Variants in DLEC1 observed in about 807,000 individuals in gnomAD.
DLEC1 encodes the protein DLEC1 cilia and flagella associated protein, also known as deleted in lung and esophageal cancer protein 1.
Under a neutral mutation model 198.1 loss-of-function variants are expected in DLEC1, and 146 were observed. The ratio of observed to expected loss-of-function variants is 0.74; its 90% CI spans 0.64 to 0.85. The LOEUF (loss-of-function observed/expected upper bound fraction) is 0.85. Ranked by LOEUF, DLEC1 falls within the 40% of genes least tolerant of loss-of-function variation. DLEC1 has a pLI of 0.00. For synonymous variants in DLEC1, 897 were observed against 866.8 expected, an observed-to-expected ratio of 1.03 and a Z score of -0.61; for missense variants, 2,233 against 2,220.0, an observed-to-expected ratio of 1.01 and a Z score of -0.12.
At position 38,097,312 on chromosome 3, in the gene DLEC1, T is replaced by C. The variant is rs143401776; in HGVS notation, c.2434+37T>C. The C allele has an allele frequency of 2.2e-4, 347 of 1,554,478 alleles. 1 individual carries two copies. In the African/African-American group the frequency reaches 4.2e-3, roughly 19 times the overall value. Reference sequence around the variant, plus strand: ...ACTGCAGGAGGGGTTGTGACCTGCCTGGGGCTGGCTCAGGAAGAAATCTTC... The same window carrying C: ...ACTGCAGGAGGGGTTGTGACCTGCCCGGGGCTGGCTCAGGAAGAAATCTTC... On this transcript the variant is annotated intron_variant, in intron 16 of 36. Transcript: ENST00000308059.
chr3:38,048,869 C>G (rs1028751422), intron 2 of DLEC1, among the ~76,000 whole-genome samples: 12 of 152,134 alleles, frequency 7.9e-5, no homozygotes, highest in Non-Finnish European at 1.2e-4. Context: ...CCTGTTTCCC[C>G]CTCCACCACA....
intron 13 of DLEC1, chr3:38,095,346 CA>C: frequency 2.1e-6 from 1 of 481,564 alleles, no homozygotes; most frequent in Non-Finnish European, 3.8e-6. Flanking sequence ...TCTACTATGG[CA>C]AAAAACATTA....
chr3:38,073,136 GA>G, intron 6 of DLEC1, among the ~76,000 whole-genome samples: 1 of 152,254 alleles, frequency 6.6e-6, no homozygotes, highest in African/African-American at 2.4e-5. Flanking sequence ...GGGGAATAGT[GA>G]AAAAAGCATC....
intron 2 of DLEC1, among the ~76,000 whole-genome samples, chr3:38,049,072 G>GAT (rs1559393394): frequency 8.6e-6 from 1 of 116,874 alleles, no homozygotes; most frequent in African/African-American, 3.8e-5. Context: ...TAACTATTTG[G>GAT]GTTTTTTTTT....
intron 3 of DLEC1, among the ~76,000 whole-genome samples, chr3:38,061,639 T>G (rs778671160): frequency 1.3e-5 from 2 of 152,212 alleles, no homozygotes; most frequent in Non-Finnish European, 2.9e-5. Flanking sequence ...GGAAAATATT[T>G]TAACACTCTA....
intron 6 of DLEC1, among the ~76,000 whole-genome samples, chr3:38,076,886 C>T (rs966885382): frequency 2.0e-5 from 3 of 152,034 alleles, no homozygotes; most frequent in Non-Finnish European, 2.9e-5. Context: ...GCGTGGGAAC[C>T]TAGAGTGGGA....
chr3:38,083,016 G>A (rs939055361), intron 6 of DLEC1, among the ~76,000 whole-genome samples: 1 of 152,010 alleles, frequency 6.6e-6, no homozygotes, highest in African/African-American at 2.4e-5. Flanking sequence ...ATTAAGAGAA[G>A]GGAGAGATTG....
chr3:38,045,656 A>G lies in DLEC1; in HGVS notation c.525A>G (p.Gly175=), dbSNP rs1700853231. The change falls in exon 2 of 37, where the codon GGA becomes GGG. Residue 175 remains glycine (G), a synonymous_variant. Coordinates refer to ENST00000308059, the MANE Select transcript of DLEC1 (RefSeq NM_007335.4). The part of the protein sequence containing the change: ...AENERVMSQA[G]VQDLESLVRL... ...ATGAGCGGGTCATGAGCCAGGCTGG[A>G]GTACAGGACCTCGAGAGCCTTGTCA... is the stretch of plus-strand genomic sequence containing the variant. 6.2e-7 allele frequency: 1 copy of G among 1,613,868 alleles called. No individual in the cohort carries two copies. The highest frequency in any genetic ancestry group is 8.5e-7 in the Non-Finnish European group (1 of 1,179,952).
Position 38,123,189 on chromosome 3 carries a change from C to T in DLEC1, c.*777C>T. The T allele has an allele frequency of 6.7e-7, 1 of 1,485,838 alleles. No individual in the cohort carries two copies. The highest frequency in any genetic ancestry group is 9.4e-7 in the Non-Finnish European group (1 of 1,064,572). 92.0% of individuals were successfully genotyped at this position (1,485,838 alleles called of 1,614,324 possible). On this transcript the variant is annotated 3_prime_UTR_variant, in exon 37 of 37. Transcript: ENST00000308059. Reference sequence around the variant, plus strand: ...CAAATTACCTCCAGACCAGGCTGACCCAGAAGGACGTCATGGACAAGTAGG... The same window carrying T: ...CAAATTACCTCCAGACCAGGCTGACTCAGAAGGACGTCATGGACAAGTAGG...
intron 2 of DLEC1, among the ~76,000 whole-genome samples, chr3:38,055,280 T>C (rs1696298190): frequency 6.6e-6 from 1 of 152,142 alleles, no homozygotes; most frequent in Non-Finnish European, 1.5e-5. Flanking sequence ...AAAGCCTGAA[T>C]ACACAGAAGC....
intron 6 of DLEC1, among the ~76,000 whole-genome samples, chr3:38,070,293 G>A (rs1010042904): frequency 3.9e-5 from 6 of 152,178 alleles, no homozygotes; most frequent in Non-Finnish European, 7.3e-5. Flanking sequence ...ACGTGTTGAG[G>A]AAGACAGTAA....
In DLEC1 at chr3:38,113,336, C is replaced by G. The variant is rs781716710; in HGVS notation, c.3666+975C>G. Among the ~76,000 whole-genome samples the G allele has an allele frequency of 1.2e-4, 18 of 152,300 alleles. 1 individual carries two copies. In the South Asian group the frequency reaches 1.5e-3, roughly 12 times the overall value. ...TGGATACAGACATTGGGCCACATCC[C>G]TAAGGGAATTCTGCACAGCCTGTTA... On this transcript the variant is annotated intron_variant, in intron 25 of 36. Transcript: ENST00000308059.
intron 6 of DLEC1, among the ~76,000 whole-genome samples, chr3:38,072,014 A>G (rs142326491): frequency 0.023 from 3,449 of 152,286 alleles, 133 homozygotes; most frequent in African/African-American, 0.079. Context: ...GTGAGTGGCA[A>G]TTAGGCCTGG....
chr3:38,101,751 C>A (rs948948740), intron 19 of DLEC1, among the ~76,000 whole-genome samples: 1 of 152,250 alleles, frequency 6.6e-6, no homozygotes, highest in Non-Finnish European at 1.5e-5. Flanking sequence ...GTTCAAATGT[C>A]CCCTCCTGTG....
chr3:38,088,281 C>G lies in DLEC1; in HGVS notation c.1573-15C>G. The stretch of plus-strand genomic sequence containing the variant: ...AATGTCTTCCACACTGTTGGGTAAT[C>G]TGCTTTTCTTTAAGGCCATTGCAAC... On this transcript the variant is annotated splice_polypyrimidine_tract_variant and intron_variant, in intron 9 of 36. Coordinates refer to ENST00000308059, the MANE Select transcript of DLEC1 (RefSeq NM_007335.4). The G allele has an allele frequency of 2.5e-6, 4 of 1,611,156 alleles. No homozygotes were observed. Among genetic ancestry groups the G allele is most frequent in the Non-Finnish European group, 3.4e-6 (4 of 1,177,470 alleles).
intron 2 of DLEC1, among the ~76,000 whole-genome samples, chr3:38,047,412 A>G (rs1240205099): frequency 1.3e-5 from 2 of 152,246 alleles, no homozygotes; most frequent in African/African-American, 4.8e-5. Flanking sequence ...CAAAAAAGTC[A>G]CAGAACAATG....
At chr3:38,109,354 C>A in intron 21 of DLEC1, 78 bp from the exon 22 acceptor site, 1 of 1,576,606 alleles carries the variant, frequency 6.3e-7, no homozygotes, top group African/African-American at 1.3e-5. Context: ...CAGCAATCCC[C>A]TGTGCTGCGG....
At chr3:38,118,162 A>T in intron 33 of DLEC1, 138 bp downstream of exon 33, 1 of 958,478 alleles carries the variant, frequency 1.0e-6, no homozygotes. Context: ...CTGCATGAAC[A>T]CTCGGGGGTG....
intron 6 of DLEC1, among the ~76,000 whole-genome samples, chr3:38,071,940 G>T (rs932049438): frequency 6.6e-6 from 1 of 152,216 alleles, no homozygotes; most frequent in African/African-American, 2.4e-5. Flanking sequence ...GGTAGTGGAG[G>T]GGGGCAGAGT....
Sources: gnomAD v4.1 joint callset for allele counts (sites outside exome capture counted in the v4.1 genomes callset) on GRCh38, gnomAD v4.1.1 for gene constraint, MANE v1.5 for transcripts, NCBI Gene and HGNC (gene_info 2026-07-23, HGNC 2026-07-21) for gene names.